Variants in ARHGEF5 observed in about 807,000 individuals in gnomAD.
The protein encoded by ARHGEF5 is Rho guanine nucleotide exchange factor (GEF) 5.
Under a neutral mutation model 104.0 loss-of-function variants are expected in ARHGEF5, and 11 were observed. The observed-to-expected ratio is 0.11, with a 90% CI of 0.07 to 0.18. ARHGEF5 has a LOEUF of 0.18. Ranked by LOEUF, ARHGEF5 falls within the 10% of genes least tolerant of loss-of-function variation. The pLI, the probability that ARHGEF5 is intolerant of heterozygous loss-of-function variation, is 1.00. For synonymous variants in ARHGEF5, 60 were observed against 512.2 expected, an observed-to-expected ratio of 0.12 and a Z score of 11.92; for missense variants, 165 against 1,335.4, an observed-to-expected ratio of 0.12 and a Z score of 13.66.
intron 10 of ARHGEF5, among the ~76,000 whole-genome samples, 185 bp from the exon 11 acceptor site, chr7:144,374,545 AGT>A (rs201916490): frequency 0.11 from 14,936 of 131,348 alleles, no homozygotes; most frequent in South Asian, 0.16. Context: ...GGACAGTGGT[AGT>A]TAGAGGGTTC....
intron 12 of ARHGEF5, among the ~76,000 whole-genome samples, 189 bp downstream of exon 12, chr7:144,375,864 G>C (rs936747511): frequency 6.6e-6 from 1 of 152,294 alleles, no homozygotes; most frequent in Non-Finnish European, 1.5e-5. Context: ...GATTGGGGTG[G>C]GAGAGGGTAC....
intron 1 of ARHGEF5, among the ~76,000 whole-genome samples, chr7:144,358,792 TGTGTGTGTGTAC>T (rs2053615095): frequency 1.5e-5 from 2 of 132,912 alleles, no homozygotes; most frequent in South Asian, 2.6e-4. Flanking sequence ...TGTGTGTGTG[TGTGTGTGTGTAC>T]ACACACAGTG....
chr7:144,375,909 C>T (rs1225874244), intron 12 of ARHGEF5, among the ~76,000 whole-genome samples: 10 of 152,286 alleles, frequency 6.6e-5, no homozygotes, highest in South Asian at 2.1e-4. Context: ...CTATTTTATA[C>T]TCTTTACTCA....
rs948927229 is a variant in ARHGEF5 at position 144,379,877 on chromosome 7, C to T, written c.4637-22C>T. The T allele has an allele frequency of 3.7e-6, 6 of 1,613,586 alleles. No individual in the cohort carries two copies. The East Asian group carries it at 1.3e-4, about 36-fold the overall frequency. ...CGTGAGCCTTTCCCAGGTAATTCTT[C>T]CCACTCACCCTGTGCCCACAGGCTG... On this transcript the variant is annotated intron_variant, in intron 14 of 14. Coordinates refer to ENST00000056217, the MANE Select transcript of ARHGEF5 (RefSeq NM_005435.4).
chr7:144,378,688 C>G, intron 13 of ARHGEF5, 74 bp from the exon 14 acceptor site: 1 of 1,294,554 alleles, frequency 7.7e-7, no homozygotes, highest in Middle Eastern at 1.9e-4. Context: ...CCCACGCCAC[C>G]CCCCTCCAAG....
chr7:144,373,355 C>T, intron 10 of ARHGEF5, 71 bp downstream of exon 10: 1 of 788,664 alleles, frequency 1.3e-6, no homozygotes, highest in Non-Finnish European at 2.1e-6. Flanking sequence ...CACCCCCTAA[C>T]CTGGAACCAC....
At chr7:144,375,398 TA>T in intron 11 of ARHGEF5, 115 bp from the exon 12 acceptor site, 1 of 327,782 alleles carries the variant, frequency 3.1e-6, no homozygotes, top group African/African-American at 5.2e-5. Context: ...AGGACCATCT[TA>T]TGGTTTTTGT....
At chr7:144,378,682 C>T (rs934216194) in intron 13 of ARHGEF5, 80 bp from the exon 14 acceptor site, 13 of 1,233,602 alleles carry the variant, frequency 1.1e-5, no homozygotes, top group South Asian at 4.1e-5. Context: ...AGTCCTCCCA[C>T]GCCACCCCCC....
chr7:144,355,421 T>TG lies in ARHGEF5; in HGVS notation c.-89dup, dbSNP rs2053595999. ...GCGGGTGGGGCGGCCGGGCCTGCGC[T>TG]GGGGACGGCTCTGGGGACTGCGGCC... On this transcript the variant is annotated 5_prime_UTR_variant, in exon 1 of 15. Coordinates refer to ENST00000056217, the MANE Select transcript of ARHGEF5 (RefSeq NM_005435.4). The TG allele has an allele frequency of 7.5e-6, 1 of 133,308 alleles. No homozygotes were observed. Among genetic ancestry groups the TG allele is most frequent in the African/African-American group, 2.8e-5 (1 of 36,204 alleles). The allele number at this position is 133,308 out of a possible 1,614,324, so 8.3% of individuals were successfully genotyped here.
rs765557375 is a variant in ARHGEF5 at position 144,379,887 on chromosome 7, C to T, written c.4637-12C>T. 1 of 1,614,084 alleles carries T rather than the reference C, an allele frequency of 6.2e-7. No individual in the cohort carries two copies. The highest frequency in any genetic ancestry group is 1.7e-5 in the Admixed American group (1 of 60,022). On this transcript the variant is annotated splice_polypyrimidine_tract_variant and intron_variant, in intron 14 of 14. Coordinates refer to ENST00000056217, the MANE Select transcript of ARHGEF5 (RefSeq NM_005435.4). ...TCCCAGGTAATTCTTCCCACTCACC[C>T]TGTGCCCACAGGCTGGCTGGAGGGC...
At chr7:144,358,824 G>A (rs1468227006) in intron 1 of ARHGEF5, among the ~76,000 whole-genome samples, 1 of 132,670 alleles carries the variant, frequency 7.5e-6, no homozygotes, top group African/African-American at 2.8e-5. Context: ...GGCTAAGCAG[G>A]ACAGTATTCT....
chr7:144,374,262 CT>C (rs2053744754), intron 10 of ARHGEF5, among the ~76,000 whole-genome samples: 1 of 102,692 alleles, frequency 9.7e-6, no homozygotes, highest in Non-Finnish European at 2.1e-5. Context: ...CCACCTAGTT[CT>C]TCTCACCCCC....
chr7:144,359,933 T>TGGCCCGGGCGAGACGGTAGCAGC, intron 1 of ARHGEF5, among the ~76,000 whole-genome samples: 1 of 142,728 alleles, frequency 7.0e-6, no homozygotes, highest in Non-Finnish European at 1.6e-5. Context: ...CCGGGTGCAG[T>TGGCCCGGGCGAGACGGTAGCAGC]GGCCCGGGCG....
rs1254183532 is a variant in ARHGEF5 at position 144,378,786 on chromosome 7, G to A, written c.4556G>A (p.Arg1519Gln). 10 of 1,613,880 alleles carry A rather than the reference G, an allele frequency of 6.2e-6. No individual in the cohort carries two copies. The highest frequency in any genetic ancestry group is 1.7e-4 in the Middle Eastern group (1 of 6,060). Residue 1519 changes from arginine to glutamine, a missense_variant, in exon 14 of 15, where the codon CGA (arginine) becomes CAA (glutamine). By Grantham distance (43) the Arg-to-Gln change is conservative. Transcript: ENST00000056217. The stretch of plus-strand genomic sequence containing the variant: ...GACTCCCCCCAGGTACAGTGCCTTC[G>A]AGCCTACAAGCCCCGAGAGAATGAT... ...CYNSPQVQCLRAYKPRENDEL... is the reference protein window; with the variant it reads ...CYNSPQVQCLQAYKPRENDEL...
intron 10 of ARHGEF5, 80 bp from the exon 11 acceptor site, chr7:144,374,649 TGGG>T: frequency 6.6e-7 from 1 of 1,523,132 alleles, no homozygotes; most frequent in Non-Finnish European, 9.1e-7. Flanking sequence ...GGAAGTGGCA[TGGG>T]GAGGAGGGTG....
intron 1 of ARHGEF5, among the ~76,000 whole-genome samples, chr7:144,360,127 C>G (rs1329223254): frequency 8.5e-6 from 1 of 117,312 alleles, no homozygotes; most frequent in Non-Finnish European, 1.8e-5. Flanking sequence ...GACAGAGTCT[C>G]ACTCTGTCAC....
chr7:144,380,190 T>C lies in ARHGEF5; in HGVS notation c.*134T>C, dbSNP rs2053791274. On this transcript the variant is annotated 3_prime_UTR_variant, in exon 15 of 15. Transcript: ENST00000056217. The stretch of plus-strand genomic sequence containing the variant: ...TCAAAGCTCAAGGACAAAATCCAGC[T>C]AACCCAGTCCCTCGGCCCAGGCCTC... 2.5e-6 allele frequency: 3 copies of C among 1,210,604 alleles called. No homozygotes were observed. The highest frequency in any genetic ancestry group is 3.4e-6 in the Non-Finnish European group (3 of 870,278). The allele number at this position is 1,210,604 out of a possible 1,614,324, so 75.0% of individuals were successfully genotyped here. A position where few individuals can be genotyped will look rare whatever the true frequency, so the allele number is the denominator to read the frequency against.
At position 144,368,068 on chromosome 7, in the gene ARHGEF5, C is replaced by T. The variant is rs1462185808; in HGVS notation, c.3531+713C>T. Reference sequence around the variant, plus strand: ...GGAAGAAATGACCTGGATATGAAAACCACTTTTTTTTAAAATTATTAATTT... The same window carrying T: ...GGAAGAAATGACCTGGATATGAAAATCACTTTTTTTTAAAATTATTAATTT... On this transcript the variant is annotated intron_variant, in intron 5 of 14. Transcript: ENST00000056217. 3.6e-5 allele frequency among the ~76,000 whole-genome samples: 2 copies of T among 55,534 alleles called. 1 individual carries two copies. The highest frequency in any genetic ancestry group is 7.8e-4 in the East Asian group (2 of 2,562). The allele number at this position is 55,534 out of a possible 152,430, so 36.4% of individuals were successfully genotyped here.
At chr7:144,378,660 G>A (rs1339150088) in intron 13 of ARHGEF5, 102 bp from the exon 14 acceptor site, 1 of 919,562 alleles carries the variant, frequency 1.1e-6, no homozygotes, top group Non-Finnish European at 1.7e-6. Flanking sequence ...GCCCAAATCT[G>A]TCTCTATCTC....
Sources: allele counts gnomAD v4.1 joint callset (sites outside exome capture counted in the v4.1 genomes callset), GRCh38; gene constraint gnomAD v4.1.1; transcripts MANE v1.5; gene names NCBI Gene and HGNC (gene_info 2026-07-23, HGNC 2026-07-21).